Variants in PPIL6 observed in about 807,000 individuals in gnomAD.
The protein encoded by PPIL6 is peptidylprolyl isomerase like 6, also known as probable inactive peptidyl-prolyl cis-trans isomerase-like 6.
PPIL6 carries 39 observed loss-of-function variants against 36.8 expected under a neutral mutation model. That is an observed-to-expected ratio of 1.06 (90% CI 0.82 to 1.38). The LOEUF (loss-of-function observed/expected upper bound fraction) is 1.38, where lower values mean the gene tolerates loss of function less well. Among genes scored for constraint, PPIL6 ranks in the 40% most tolerant of loss-of-function variants. The pLI, the probability that PPIL6 is intolerant of heterozygous loss-of-function variation, is 0.00. For missense variants in PPIL6, 368 were observed against 379.1 expected, an observed-to-expected ratio of 0.97 and a Z score of 0.24; for synonymous variants, 123 against 134.1, an observed-to-expected ratio of 0.92 and a Z score of 0.57.
At position 109,400,032 on chromosome 6, in the gene PPIL6, TACC is replaced by T; in HGVS notation, c.824_824+2del. On this transcript the variant is annotated splice_donor_variant and coding_sequence_variant, in exon 7 of 8. Transcript: ENST00000521072. LOFTEE classifies it high-confidence loss of function. ...TATATAAATAGATCTACAATATACATACCCAAAAGCCACAAATTTTCTATCTAG... is the reference window on the plus strand; with the variant it reads ...TATATAAATAGATCTACAATATACATCAAAAGCCACAAATTTTCTATCTAG... 1 of 1,607,250 alleles carries T rather than the reference TACC, an allele frequency of 6.2e-7. No homozygotes were observed. The highest frequency in any genetic ancestry group is 8.5e-7 in the Non-Finnish European group (1 of 1,174,946).
chr6:109,430,240 C>T (rs1774058262), intron 3 of PPIL6, among the ~76,000 whole-genome samples: 1 of 152,232 alleles, frequency 6.6e-6, no homozygotes, highest in South Asian at 2.1e-4. Flanking sequence ...AAATGATTTT[C>T]TGCACAATGC....
chr6:109,406,101 T>G (rs751789383), intron 6 of PPIL6, among the ~76,000 whole-genome samples: 22 of 151,918 alleles, frequency 1.4e-4, no homozygotes, highest in Non-Finnish European at 2.4e-4. Context: ...CCATCATGGC[T>G]CCATGATCAT....
chr6:109,425,749 CAAAAA>C (rs34275471), intron 5 of PPIL6, among the ~76,000 whole-genome samples: 2 of 103,702 alleles, frequency 1.9e-5, no homozygotes, highest in Admixed American at 1.0e-4. Context: ...GACTCCGTTT[CAAAAA>C]AAAAAAAAAA....
intron 5 of PPIL6, among the ~76,000 whole-genome samples, chr6:109,421,701 T>C (rs1398587794): frequency 6.6e-6 from 1 of 152,204 alleles, no homozygotes; most frequent in East Asian, 1.9e-4. Flanking sequence ...GTTCTAGTTC[T>C]ATTTGATAAC....
chr6:109,419,808 T>C (rs1773449778), intron 5 of PPIL6, among the ~76,000 whole-genome samples: 1 of 152,194 alleles, frequency 6.6e-6, no homozygotes, highest in South Asian at 2.1e-4. Flanking sequence ...ATCCACACTA[T>C]GAAAATATTA....
At chr6:109,394,730 C>A (rs961084966) in intron 7 of PPIL6, among the ~76,000 whole-genome samples, 12 of 152,226 alleles carry the variant, frequency 7.9e-5, no homozygotes, top group African/African-American at 2.9e-4. Flanking sequence ...TAAATAGATT[C>A]ATTTCTGTCC....
intron 6 of PPIL6, chr6:109,402,914 T>C (rs757738655): frequency 7.6e-5 from 50 of 655,584 alleles, no homozygotes; most frequent in Non-Finnish European, 1.2e-4. Flanking sequence ...GAAAGAACCG[T>C]TTTAAATATT....
chr6:109,393,129 T>A (rs920700893), intron 7 of PPIL6, among the ~76,000 whole-genome samples, 192 bp from the exon 8 acceptor site: 2 of 152,120 alleles, frequency 1.3e-5, no homozygotes, highest in African/African-American at 4.8e-5. Context: ...AGGGCCATCA[T>A]CCAGGCAGCT....
chr6:109,424,056 T>C (rs1025584416), intron 5 of PPIL6, among the ~76,000 whole-genome samples: 8 of 152,228 alleles, frequency 5.3e-5, no homozygotes, highest in Non-Finnish European at 7.4e-5. Flanking sequence ...TGTCTAATGA[T>C]GAAAAGTGCT....
chr6:109,440,278 C>G, intron 1 of PPIL6, 178 bp downstream of exon 1: 1 of 790,706 alleles, frequency 1.3e-6, no homozygotes, highest in South Asian at 1.5e-5. Context: ...ACTTGCCCCC[C>G]TATACTCTCC....
rs116090489 is a variant in PPIL6, at chr6:109,417,539, C to T, written c.688+1648G>A. Reference sequence around the variant, plus strand: ...CTGATGTTACTCTGCTCTTTATTCTCTTTATTCTTATAATCACCTTGAAAC... The same window carrying T: ...CTGATGTTACTCTGCTCTTTATTCTTTTTATTCTTATAATCACCTTGAAAC... On this transcript the variant is annotated intron_variant, in intron 6 of 7. Transcript: ENST00000521072. Among the ~76,000 whole-genome samples the T allele has an allele frequency of 1.1e-3, 175 of 152,288 alleles. 1 individual carries two copies. Among genetic ancestry groups the T allele is most frequent in the African/African-American group, 4.0e-3 (165 of 41,572 alleles).
At chr6:109,437,069 T>C (rs1562276443) in intron 1 of PPIL6, among the ~76,000 whole-genome samples, 1 of 152,262 alleles carries the variant, frequency 6.6e-6, no homozygotes, top group Non-Finnish European at 1.5e-5. Context: ...AGTTTAGGTT[T>C]AGATACGGAA....
chr6:109,435,233 A>T (rs1373737084), intron 2 of PPIL6, among the ~76,000 whole-genome samples: 1 of 152,106 alleles, frequency 6.6e-6, no homozygotes, highest in Non-Finnish European at 1.5e-5. Context: ...ATCAGCGGCA[A>T]ACGGCACCAT....
chr6:109,429,986 G>T (rs1215833638), intron 3 of PPIL6, among the ~76,000 whole-genome samples: 2 of 152,184 alleles, frequency 1.3e-5, no homozygotes, highest in African/African-American at 4.8e-5. Context: ...CCCAGGGCAT[G>T]TACAGCTAGA....
intron 6 of PPIL6, among the ~76,000 whole-genome samples, chr6:109,409,302 C>T (rs1772918756): frequency 2.0e-5 from 3 of 152,206 alleles, no homozygotes. Flanking sequence ...TGGCTCACGC[C>T]TGTAATCCCA....
intron 6 of PPIL6, among the ~76,000 whole-genome samples, chr6:109,410,249 T>C (rs1298992860): frequency 1.3e-5 from 2 of 152,244 alleles, no homozygotes; most frequent in Non-Finnish European, 2.9e-5. Flanking sequence ...GCCAAGCTCC[T>C]GGGAAACACC....
chr6:109,407,543 A>G (rs1186059015), intron 6 of PPIL6, among the ~76,000 whole-genome samples: 1 of 152,056 alleles, frequency 6.6e-6, no homozygotes, highest in Non-Finnish European at 1.5e-5. Context: ...GGACTATGGA[A>G]TATTCTTATT....
chr6:109,437,068 T>C (rs1193608595), intron 1 of PPIL6, among the ~76,000 whole-genome samples: 3 of 152,238 alleles, frequency 2.0e-5, no homozygotes, highest in African/African-American at 7.2e-5. Flanking sequence ...CAGTTTAGGT[T>C]TAGATACGGA....
Position 109,436,334 on chromosome 6 carries a change from C to T in PPIL6, c.136-135G>A. 2 of 602,044 alleles carry T rather than the reference C, an allele frequency of 3.3e-6. 1 individual carries two copies. Among genetic ancestry groups the T allele is most frequent in the Non-Finnish European group, 5.9e-6 (2 of 339,514 alleles). The allele number at this position is 602,044 out of a possible 1,614,324, so 37.3% of individuals were successfully genotyped here. A position where few individuals can be genotyped will look rare whatever the true frequency, so the allele number is the denominator to read the frequency against. The stretch of plus-strand genomic sequence containing the variant: ...GGCCATGCAGTCCGACTGAGATATT[C>T]CTTGCTCGCTGTCAGAGGCCCTTGT... On this transcript the variant is annotated intron_variant, in intron 1 of 7. Transcript: ENST00000521072.
Sources: gnomAD v4.1 joint callset for allele counts (sites outside exome capture counted in the v4.1 genomes callset) on GRCh38, gnomAD v4.1.1 for gene constraint, MANE v1.5 for transcripts, NCBI Gene and HGNC (gene_info 2026-07-23, HGNC 2026-07-21) for gene names.